GAP43: variants seen among roughly 807,000 people sequenced by gnomAD.
GAP43 encodes growth associated protein 43, also known as neuromodulin.
A neutral mutation model predicts 18.6 loss-of-function variants in GAP43; 6 were observed. That is an observed-to-expected ratio of 0.32 (90% confidence interval 0.18 to 0.64). The LOEUF (loss-of-function observed/expected upper bound fraction) is 0.64. Among genes scored for constraint, GAP43 ranks in the 30% least tolerant of loss-of-function variants. GAP43 has a pLI of 0.78. For missense variants in GAP43, 292 were observed against 295.5 expected (o/e 0.99, Z 0.09); for synonymous variants, 115 against 111.4 (o/e 1.03, Z -0.20).
chr3:115,639,655 C>T (rs192112376), intron 1 of GAP43, among the ~76,000 whole-genome samples: 7 of 152,120 alleles, frequency 4.6e-5, no homozygotes, highest in African/African-American at 1.7e-4. Flanking sequence ...ATCCATCTGT[C>T]TGATGTTATT....
At chr3:115,667,686 C>G (rs1428456922) in intron 1 of GAP43, among the ~76,000 whole-genome samples, 1 of 152,182 alleles carries the variant, frequency 6.6e-6, no homozygotes, top group Non-Finnish European at 1.5e-5. Context: ...GGCCTCTCAG[C>G]TGGGAAAGAT....
intron 1 of GAP43, among the ~76,000 whole-genome samples, chr3:115,662,245 C>T (rs773710630): frequency 6.6e-6 from 1 of 152,200 alleles, no homozygotes; most frequent in Non-Finnish European, 1.5e-5. Flanking sequence ...ACCCACTGCA[C>T]TATCGCCACC....
intron 2 of GAP43, among the ~76,000 whole-genome samples, chr3:115,719,270 A>G (rs930266208): frequency 5.5e-5 from 2 of 36,044 alleles, no homozygotes; most frequent in East Asian, 5.6e-3. Flanking sequence ...GGATTGAGGA[A>G]AAAAAAAAAC....
chr3:115,659,040 T>C (rs1165099642), intron 1 of GAP43: 1 of 152,334 alleles, frequency 6.6e-6, no homozygotes, highest in Non-Finnish European at 1.5e-5. Context: ...CCGCCCACTT[T>C]TTCCTTGCTT....
chr3:115,707,207 T>A (rs1273243628), intron 2 of GAP43, among the ~76,000 whole-genome samples: 1 of 152,198 alleles, frequency 6.6e-6, no homozygotes, highest in African/African-American at 2.4e-5. Flanking sequence ...ATGAGGTGGG[T>A]ACCAATATTA....
intron 2 of GAP43, among the ~76,000 whole-genome samples, chr3:115,687,888 C>T (rs905481249): frequency 1.3e-5 from 2 of 152,090 alleles, no homozygotes; most frequent in African/African-American, 2.4e-5. Flanking sequence ...CTGTACTTAG[C>T]TTGAATTGTT....
chr3:115,631,483 G>A (rs1708259483), intron 1 of GAP43, among the ~76,000 whole-genome samples: 1 of 152,184 alleles, frequency 6.6e-6, no homozygotes, highest in Non-Finnish European at 1.5e-5. Context: ...TGAAATGTAA[G>A]TATTATTAAT....
chr3:115,676,695 G>A, intron 2 of GAP43, 85 bp downstream of exon 2: 1 of 1,339,114 alleles, frequency 7.5e-7, no homozygotes, highest in Non-Finnish European at 9.9e-7. Context: ...GGTCATTGAG[G>A]GAGAGGAAAA....
Position 115,698,091 on chromosome 3 carries a change from T to TTA in GAP43, c.628+21488_628+21489dup, listed in dbSNP as rs1329876042. ...TTATATATAATATATAAAATATGTA[T>TTA]TATATATAATATATAAAATATATAA... On this transcript the variant is annotated intron_variant, in intron 2 of 2. Transcript: ENST00000305124. Among the ~76,000 whole-genome samples, 5 of 56,812 alleles carry TTA rather than the reference T, an allele frequency of 8.8e-5. No homozygotes were observed. The South Asian group carries it at 1.3e-3, about 15-fold the overall frequency. 37.3% of individuals were successfully genotyped at this position (56,812 alleles called of 152,430 possible).
At chr3:115,658,173 TG>T (rs1471047834) in intron 1 of GAP43, among the ~76,000 whole-genome samples, 1 of 152,110 alleles carries the variant, frequency 6.6e-6, no homozygotes, top group Admixed American at 6.5e-5. Context: ...TGTAAAGAAC[TG>T]ACACAAATCA....
chr3:115,639,549 T>A (rs1176826118), intron 1 of GAP43, among the ~76,000 whole-genome samples: 1 of 152,112 alleles, frequency 6.6e-6, no homozygotes, highest in African/African-American at 2.4e-5. Context: ...TATAGTTACA[T>A]GTACACTGTC....
chr3:115,705,844 C>T (rs1709356790), intron 2 of GAP43, among the ~76,000 whole-genome samples: 1 of 152,138 alleles, frequency 6.6e-6, no homozygotes, highest in Admixed American at 6.5e-5. Flanking sequence ...AAATTATTAA[C>T]TTCCTCCAAA....
chr3:115,677,670 G>A (rs897499757), intron 2 of GAP43, among the ~76,000 whole-genome samples: 4 of 152,258 alleles, frequency 2.6e-5, no homozygotes, highest in Non-Finnish European at 5.9e-5. Flanking sequence ...TTAAAAGATT[G>A]GGTTTACTCC....
chr3:115,629,350 A>G (rs1708233054), intron 1 of GAP43, among the ~76,000 whole-genome samples: 1 of 151,590 alleles, frequency 6.6e-6, no homozygotes, highest in African/African-American at 2.4e-5. Context: ...TTCAGCATCA[A>G]TGACACAATC....
intron 2 of GAP43, among the ~76,000 whole-genome samples, chr3:115,692,421 T>C (rs1450876152): frequency 6.6e-6 from 1 of 152,150 alleles, no homozygotes; most frequent in Non-Finnish European, 1.5e-5. Context: ...TCTGTTGTCA[T>C]GGAAGTTACA....
chr3:115,663,740 T>C (rs1559795147), intron 1 of GAP43: 1 of 1,550,630 alleles, frequency 6.4e-7, no homozygotes, highest in Non-Finnish European at 8.7e-7. Flanking sequence ...GCCTAGTCTT[T>C]TAGACAGTGA....
chr3:115,692,189 G>C (rs1164627644), intron 2 of GAP43, among the ~76,000 whole-genome samples: 1 of 152,196 alleles, frequency 6.6e-6, no homozygotes, highest in African/African-American at 2.4e-5. Flanking sequence ...TCCAGGAGAA[G>C]TTGTGTGTGC....
chr3:115,648,649 G>T (rs894445699), intron 1 of GAP43, among the ~76,000 whole-genome samples: 1 of 152,018 alleles, frequency 6.6e-6, no homozygotes, highest in African/African-American at 2.4e-5. Flanking sequence ...GAGGGTACAG[G>T]GGGCACATGA....
At position 115,654,333 on chromosome 3, in the gene GAP43, T is replaced by C. The variant is rs28370265; in HGVS notation, c.31-21680T>C. On this transcript the variant is annotated intron_variant, in intron 1 of 2. Coordinates refer to ENST00000305124, the MANE Select transcript of GAP43 (RefSeq NM_002045.4). ...GATGAAACCGCAAAGGAGGAGAGTTTATCTGAAAAGTTCTTCTCTGGAGAA... is the reference window on the plus strand; with the variant it reads ...GATGAAACCGCAAAGGAGGAGAGTTCATCTGAAAAGTTCTTCTCTGGAGAA... Among the ~76,000 whole-genome samples, 590 of 152,332 alleles carry C rather than the reference T, an allele frequency of 3.9e-3. 3 individuals are homozygous for C. Among genetic ancestry groups the C allele is most frequent in the Non-Finnish European group, 5.7e-3 (390 of 68,028 alleles).
Sources: allele counts gnomAD v4.1 joint callset (sites outside exome capture counted in the v4.1 genomes callset), GRCh38; gene constraint gnomAD v4.1.1; transcripts MANE v1.5; gene names NCBI Gene and HGNC (gene_info 2026-07-23, HGNC 2026-07-21).